C2CD3: variants seen among roughly 807,000 people sequenced by gnomAD.
C2CD3 encodes C2 domain-containing protein 3.
A neutral mutation model predicts 234.0 loss-of-function variants in C2CD3; 148 were observed. The observed-to-expected ratio is 0.63, with a 90% CI of 0.55 to 0.72. C2CD3 has a LOEUF of 0.72. C2CD3 is among the 30% of genes least tolerant of loss of function. The probability of loss-of-function intolerance (pLI) is 0.00; values close to 1 mark genes in which losing one functional copy is unlikely to be tolerated. For synonymous variants in C2CD3, 1,000 were observed against 1,035.4 expected (o/e 0.97, Z 0.66); for missense variants, 2,577 against 2,811.5 (o/e 0.92, Z 1.89).
At chr11:74,088,684 T>C (rs954490683) in intron 20 of C2CD3, among the ~76,000 whole-genome samples, 2 of 152,246 alleles carry the variant, frequency 1.3e-5, no homozygotes, top group Non-Finnish European at 1.5e-5. Flanking sequence ...TGCTAGTTAA[T>C]TTAATGCCAT....
rs776260182 is a variant in C2CD3, at chr11:74,161,381, A to G, written c.483+18T>C. 3 of 1,506,604 alleles carry G rather than the reference A, an allele frequency of 2.0e-6. No individual in the cohort carries two copies. The South Asian group carries it at 3.7e-5, about 19-fold the overall frequency. 93.3% of individuals were successfully genotyped at this position (1,506,604 alleles called of 1,614,324 possible). ...AAAAGTTTATTTTATGCAGCAAATA[A>G]TTAAAATATATTTTTACCTGGAGTT... On this transcript the variant is annotated intron_variant, in intron 3 of 32. Transcript: ENST00000334126.
At chr11:74,020,332 C>T (rs1952034374) in intron 32 of C2CD3, among the ~76,000 whole-genome samples, 1 of 152,234 alleles carries the variant, frequency 6.6e-6, no homozygotes, top group African/African-American at 2.4e-5. Flanking sequence ...GTGCTTGTAC[C>T]TTCTGCTGTC....
At chr11:74,111,863 A>G (rs192455716) in intron 11 of C2CD3, among the ~76,000 whole-genome samples, 146 of 150,516 alleles carry the variant, frequency 9.7e-4, no homozygotes, top group Middle Eastern at 3.4e-3. Flanking sequence ...TCTTCTTCCA[A>G]CGTGGCCCAT....
At chr11:74,074,913 A>G (rs1356240255) in intron 23 of C2CD3, among the ~76,000 whole-genome samples, 1 of 147,830 alleles carries the variant, frequency 6.8e-6, no homozygotes, top group Non-Finnish European at 1.5e-5. Context: ...GTAAAACCCT[A>G]TCTCTACAAA....
At chr11:74,079,712 G>A (rs1033923549) in intron 22 of C2CD3, among the ~76,000 whole-genome samples, 2 of 151,916 alleles carry the variant, frequency 1.3e-5, no homozygotes, top group African/African-American at 4.8e-5. Context: ...CTGCTACCAA[G>A]TAAGAGAGCT....
intron 17 of C2CD3, among the ~76,000 whole-genome samples, chr11:74,094,697 G>A: frequency 6.6e-6 from 1 of 152,154 alleles, no homozygotes; most frequent in East Asian, 1.9e-4. Flanking sequence ...CCCCAAGCAA[G>A]TCACTTAATG....
rs141822714 is a variant in C2CD3 at position 74,018,846 on chromosome 11, A to G, written c.6922-5321T>C. On this transcript the variant is annotated intron_variant, in intron 32 of 32. Coordinates refer to ENST00000334126, the MANE Select transcript of C2CD3 (RefSeq NM_001286577.2). ...GGCTCTGGTCTCATGCTCTGAGCTC[A>G]CCCTCCATGCCTAAATTAGAGGTCT... 9.8e-4 allele frequency among the ~76,000 whole-genome samples: 149 copies of G among 152,070 alleles called. 6 individuals carry two copies. The East Asian group carries it at 0.025, about 26-fold the overall frequency.
In C2CD3 at chr11:74,105,129, CTT is replaced by C. The variant is rs922000444; in HGVS notation, c.2085+1240_2085+1241del. ...GAACCAGCATGATACCTTACTGACTCTTTACGTAGAGTGACATAGTTATTGGT... is the reference window on the plus strand; with the variant it reads ...GAACCAGCATGATACCTTACTGACTCTACGTAGAGTGACATAGTTATTGGT... On this transcript the variant is annotated intron_variant, in intron 13 of 32. Transcript: ENST00000334126. Among the ~76,000 whole-genome samples, 9 of 152,266 alleles carry C rather than the reference CTT, an allele frequency of 5.9e-5. 1 individual carries two copies. Among genetic ancestry groups the C allele is most frequent in the Admixed American group, 5.2e-4 (8 of 15,292 alleles).
At chr11:74,141,658 A>G (rs1015214082) in intron 3 of C2CD3, among the ~76,000 whole-genome samples, 12 of 152,120 alleles carry the variant, frequency 7.9e-5, no homozygotes, top group African/African-American at 2.9e-4. Flanking sequence ...TTAAACAAAT[A>G]CTTGTTGATA....
At chr11:74,156,206 G>A (rs1400173226) in intron 3 of C2CD3, among the ~76,000 whole-genome samples, 3 of 151,396 alleles carry the variant, frequency 2.0e-5, no homozygotes, top group Non-Finnish European at 4.4e-5. Context: ...CCCAGGAGGT[G>A]GAGGTTGCAG....
At chr11:74,086,693 T>A (rs1955656246) in intron 20 of C2CD3, among the ~76,000 whole-genome samples, 1 of 151,864 alleles carries the variant, frequency 6.6e-6, no homozygotes, top group South Asian at 2.1e-4. Context: ...GATGTATAAA[T>A]GGAATCTACA....
Position 74,083,728 on chromosome 11 carries a change from C to CA in C2CD3, c.4000+1152dup, listed in dbSNP as rs1955504031. Among the ~76,000 whole-genome samples, 5 of 152,300 alleles carry CA rather than the reference C, an allele frequency of 3.3e-5. No individual in the cohort carries two copies. The South Asian group carries it at 1.0e-3, about 32-fold the overall frequency. ...CACTGGTCACTAGAGAAATGCAAAT[C>CA]AAAACCACAATGAGATACCATCTCA... On this transcript the variant is annotated intron_variant, in intron 22 of 32. Coordinates refer to ENST00000334126, the MANE Select transcript of C2CD3 (RefSeq NM_001286577.2).
chr11:74,136,299 C>CT (rs1957859719), intron 5 of C2CD3, among the ~76,000 whole-genome samples: 1 of 152,116 alleles, frequency 6.6e-6, no homozygotes, highest in Non-Finnish European at 1.5e-5. Context: ...CTTGTTTTAC[C>CT]TTTAAATCCA....
At chr11:74,041,429 C>T (rs1334818273) in intron 29 of C2CD3, among the ~76,000 whole-genome samples, 2 of 152,152 alleles carry the variant, frequency 1.3e-5, no homozygotes, top group Non-Finnish European at 2.9e-5. Context: ...AGGAACAATC[C>T]AGAATATTAG....
intron 24 of C2CD3, among the ~76,000 whole-genome samples, chr11:74,059,409 T>TCAAAAA (rs1271729809): frequency 2.3e-4 from 14 of 59,958 alleles, no homozygotes; most frequent in African/African-American, 2.0e-3. Context: ...AGACTCTGTC[T>TCAAAAA]CAAAAAAAAA....
At chr11:74,125,667 C>G (rs1452026203) in intron 7 of C2CD3, among the ~76,000 whole-genome samples, 1 of 152,068 alleles carries the variant, frequency 6.6e-6, no homozygotes, top group African/African-American at 2.4e-5. Context: ...AATATTGTAT[C>G]AGAGCCAAGT....
chr11:74,063,708 CTGGCACAAGACAGGG>C (rs1261319696), intron 24 of C2CD3, among the ~76,000 whole-genome samples: 1 of 152,136 alleles, frequency 6.6e-6, no homozygotes, highest in Non-Finnish European at 1.5e-5. Context: ...CCCTTGAAAA[CTGGCACAAGACAGGG>C]ATGCCCTCTC....
intron 32 of C2CD3, among the ~76,000 whole-genome samples, chr11:74,016,428 C>T (rs1463372058): frequency 1.3e-5 from 2 of 152,166 alleles, no homozygotes; most frequent in African/African-American, 2.4e-5. Flanking sequence ...GCCATATCTG[C>T]CCTGGAGCTG....
intron 29 of C2CD3, among the ~76,000 whole-genome samples, chr11:74,038,366 G>C (rs1447187661): frequency 1.3e-5 from 2 of 152,194 alleles, no homozygotes; most frequent in Non-Finnish European, 2.9e-5. Flanking sequence ...TCTCCAATAA[G>C]AAATCACACC....
Sources: gnomAD v4.1 joint callset for allele counts (sites outside exome capture counted in the v4.1 genomes callset) on GRCh38, gnomAD v4.1.1 for gene constraint, MANE v1.5 for transcripts, NCBI Gene and HGNC (gene_info 2026-07-23, HGNC 2026-07-21) for gene names.